The following ADIG variants were observed in gnomAD, a reference collection of about 807,000 sequenced individuals.
The protein encoded by ADIG is adipogenesis associated.
In ADIG, 12 loss-of-function variants were observed where a neutral mutation model predicts 10.7. The observed-to-expected ratio is 1.12, with a 90% CI of 0.72 to 1.82. The LOEUF is 1.82. ADIG is among the 40% of genes most tolerant of loss of function. ADIG has a pLI of 0.00. For missense variants in ADIG, 72 were observed against 92.5 expected, an observed-to-expected ratio of 0.78 and a Z score of 0.91; for synonymous variants, 32 against 35.6, an observed-to-expected ratio of 0.90 and a Z score of 0.36.
chr20:38,582,330 G>A (rs1408548057), intron 1 of ADIG, among the ~76,000 whole-genome samples: 4 of 151,974 alleles, frequency 2.6e-5, no homozygotes, highest in African/African-American at 9.7e-5. Flanking sequence ...CTGGGAGGTC[G>A]AGGCTGCAGT....
intron 1 of ADIG, 34 bp from the exon 2 acceptor site, chr20:38,585,995 A>G: frequency 6.4e-7 from 1 of 1,550,692 alleles, no homozygotes; most frequent in African/African-American, 1.4e-5. Context: ...ACAGGATGTG[A>G]CCATCCAAGA....
At chr20:38,584,126 C>T (rs2088613105) in intron 1 of ADIG, among the ~76,000 whole-genome samples, 1 of 151,946 alleles carries the variant, frequency 6.6e-6, no homozygotes, top group Non-Finnish European at 1.5e-5. Flanking sequence ...CAGTTTCAGG[C>T]CTCAGAATAC....
At chr20:38,587,662 C>T (rs1456066533) in intron 2 of ADIG, among the ~76,000 whole-genome samples, 1 of 148,476 alleles carries the variant, frequency 6.7e-6, no homozygotes, top group Admixed American at 6.8e-5. Context: ...GGACGCTGCA[C>T]AAGAACCCTA....
intron 1 of ADIG, among the ~76,000 whole-genome samples, chr20:38,585,106 A>G (rs2088624882): frequency 6.6e-6 from 1 of 152,210 alleles, no homozygotes; most frequent in Non-Finnish European, 1.5e-5. Context: ...CTAACTGCCA[A>G]CACTGTTGAA....
chr20:38,584,993 G>A (rs1285218043), intron 1 of ADIG, among the ~76,000 whole-genome samples: 1 of 152,196 alleles, frequency 6.6e-6, no homozygotes, highest in Non-Finnish European at 1.5e-5. Flanking sequence ...GGCCAGGATG[G>A]TCTCGATCTC....
chr20:38,587,030 GC>G (rs753397472), intron 2 of ADIG, among the ~76,000 whole-genome samples: 7 of 152,072 alleles, frequency 4.6e-5, no homozygotes, highest in South Asian at 4.2e-4. Context: ...CTCCTCCCAA[GC>G]TTTATTATCT....
chr20:38,587,798 C>T (rs144681509), intron 2 of ADIG, among the ~76,000 whole-genome samples: 5 of 148,406 alleles, frequency 3.4e-5, no homozygotes, highest in East Asian at 4.0e-4. Flanking sequence ...AGTGCAGTAG[C>T]GCAATCTCAG....
At chr20:38,585,349 A>G (rs2088627106) in intron 1 of ADIG, 10 of 1,489,966 alleles carry the variant, frequency 6.7e-6, no homozygotes, top group African/African-American at 1.4e-5. Flanking sequence ...CAGGTTTTCA[A>G]AACAAATTGG....
At chr20:38,585,528 G>A (rs1386550724) in intron 1 of ADIG, 13 of 1,550,434 alleles carry the variant, frequency 8.4e-6, no homozygotes, top group East Asian at 2.4e-5. Flanking sequence ...TCCATGTGGT[G>A]TGACTCTCCC....
intron 1 of ADIG, chr20:38,585,728 C>T: frequency 1.6e-6 from 1 of 623,290 alleles, no homozygotes; most frequent in South Asian, 2.0e-5. Context: ...AACTGTGTCT[C>T]TTCACTGCCT....
chr20:38,583,206 G>A (rs780117241), intron 1 of ADIG, among the ~76,000 whole-genome samples: 5 of 152,190 alleles, frequency 3.3e-5, no homozygotes, highest in Non-Finnish European at 5.9e-5. Context: ...CACTGGACTT[G>A]CATAATCTTA....
chr20:38,582,391 CA>C (rs778786922), intron 1 of ADIG, among the ~76,000 whole-genome samples: 2 of 152,080 alleles, frequency 1.3e-5, no homozygotes, highest in Non-Finnish European at 2.9e-5. Context: ...GACCCTGTGT[CA>C]AAAAAAGGCC....
intron 1 of ADIG, chr20:38,585,505 G>A: frequency 6.4e-7 from 1 of 1,550,616 alleles, no homozygotes; most frequent in Non-Finnish European, 8.7e-7. Flanking sequence ...CCATCAGACG[G>A]AGGGTCCGGG....
chr20:38,584,832 CA>C (rs1003741826), intron 1 of ADIG, among the ~76,000 whole-genome samples: 5 of 151,924 alleles, frequency 3.3e-5, no homozygotes, highest in African/African-American at 1.2e-4. Flanking sequence ...GGTTGGAGTG[CA>C]GTGGCGCGAT....
rs558929352 is a variant in ADIG, at chr20:38,586,114, C to T, written c.210C>T (p.Leu70=). 6.2e-6 allele frequency: 10 copies of T among 1,604,560 alleles called. No individual in the cohort carries two copies. The South Asian group carries it at 9.0e-5, about 14-fold the overall frequency. Residue 70 remains leucine (L), a synonymous_variant, in exon 2 of 3, where the codon CTC becomes CTT. Coordinates refer to ENST00000537425, the MANE Select transcript of ADIG (RefSeq NM_001393816.1). ...GPAEFCWKGT[L]HGQEKERPCW is the part of the protein sequence containing the mutation. ...CTGAGTTTTGCTGGAAGGGGACACT[C>T]CACGGCCAAGAGAAGGAGAGGCCCT...
At chr20:38,587,624 A>C (rs894744613) in intron 2 of ADIG, among the ~76,000 whole-genome samples, 5 of 152,076 alleles carry the variant, frequency 3.3e-5, no homozygotes, top group African/African-American at 4.8e-5. Context: ...CTGTTTTTAT[A>C]TAATTTGTGG....
At chr20:38,585,154 G>C (rs1181263791) in intron 1 of ADIG, among the ~76,000 whole-genome samples, 1 of 152,240 alleles carries the variant, frequency 6.6e-6, no homozygotes, top group Non-Finnish European at 1.5e-5. Context: ...TTACATGTCT[G>C]CCTTCGGTTA....
chr20:38,585,901 ATT>A, intron 1 of ADIG, 126 bp from the exon 2 acceptor site: 1 of 897,110 alleles, frequency 1.1e-6, no homozygotes. Flanking sequence ...GGCTCATAGG[ATT>A]CTGCCTTGGC....
Position 38,588,275 on chromosome 20 carries a change from A to G in ADIG, c.*189A>G. On this transcript the variant is annotated 3_prime_UTR_variant, in exon 3 of 3. Transcript: ENST00000537425. ...GAGGTCCCAGCCCTTCTCCAGCATC[A>G]CAGATGACCTCCAGCCCTGCAGGGA... is the stretch of plus-strand genomic sequence containing the variant. 3 of 1,304,194 alleles carry G rather than the reference A, an allele frequency of 2.3e-6. No homozygotes were observed. Among genetic ancestry groups the G allele is most frequent in the Non-Finnish European group, 2.0e-6 (2 of 988,904 alleles). 80.8% of individuals were successfully genotyped at this position (1,304,194 alleles called of 1,614,324 possible). A position where few individuals can be genotyped will look rare whatever the true frequency, so the allele number is the denominator to read the frequency against.
Sources: allele counts gnomAD v4.1 joint callset (sites outside exome capture counted in the v4.1 genomes callset), GRCh38; gene constraint gnomAD v4.1.1; transcripts MANE v1.5; gene names NCBI Gene and HGNC (gene_info 2026-07-23, HGNC 2026-07-21).